Variants in ZMYM2 observed in about 807,000 individuals in gnomAD.
ZMYM2 encodes zinc finger MYM-type protein 2.
Under a neutral mutation model 162.8 loss-of-function variants are expected in ZMYM2, and 56 were observed. That is an observed-to-expected ratio of 0.34 (90% CI 0.28 to 0.43). The LOEUF (loss-of-function observed/expected upper bound fraction) is 0.43. Ranked by LOEUF, ZMYM2 falls within the 20% of genes least tolerant of loss-of-function variation. The pLI is 1.00. For missense variants in ZMYM2, 1,275 were observed against 1,621.8 expected (o/e 0.79, Z 3.67); for synonymous variants, 510 against 541.6 (o/e 0.94, Z 0.81).
At chr13:19,925,253 T>A in the ZMYM2 span, among the ~76,000 whole-genome samples, 1,993 of 152,340 alleles carry the variant, frequency 0.013, 39 homozygotes, top group South Asian at 0.041. Flanking sequence ...ACAGTGCTAT[T>A]TGCTATAGCT....
At chr13:19,931,591 G>A in the ZMYM2 span, among the ~76,000 whole-genome samples, 7 of 151,914 alleles carry the variant, frequency 4.6e-5, no homozygotes, top group African/African-American at 1.5e-4. Flanking sequence ...TTTCAGATTG[G>A]CTTCTTTCAC....
intron 2 of ZMYM2, among the ~76,000 whole-genome samples, chr13:19,979,671 A>G (rs1957135320): frequency 6.6e-6 from 1 of 152,162 alleles, no homozygotes; most frequent in Non-Finnish European, 1.5e-5. Flanking sequence ...ACAATCCCAA[A>G]TTTTGGTAAA....
At position 20,003,195 on chromosome 13, in the gene ZMYM2, A is replaced by C. The variant is rs74463120; in HGVS notation, c.1133+60A>C. The C allele has an allele frequency of 3.9e-4, 588 of 1,519,400 alleles. 11 individuals are homozygous for C. In the East Asian group the frequency reaches 0.014, roughly 36 times the overall value. The allele number at this position is 1,519,400 out of a possible 1,614,324, so 94.1% of individuals were successfully genotyped here. A position where few individuals can be genotyped will look rare whatever the true frequency, so the allele number is the denominator to read the frequency against. On this transcript the variant is annotated intron_variant, in intron 4 of 24. Transcript: ENST00000610343. ...TGAATTTTGGAGTTGTAAAATTTTA[A>C]GAAAAGTGAAACAGATTTGTAATAC...
chr13:19,934,009 TCAC>T, the ZMYM2 span, among the ~76,000 whole-genome samples: 11 of 152,322 alleles, frequency 7.2e-5, no homozygotes, highest in African/African-American at 2.6e-4. Context: ...TTTTTCTCTA[TCAC>T]CACATTTTAT....
chr13:20,013,046 A>G (rs1185668465), intron 6 of ZMYM2, among the ~76,000 whole-genome samples: 1 of 152,242 alleles, frequency 6.6e-6, no homozygotes, highest in Non-Finnish European at 1.5e-5. Flanking sequence ...TGCTTTGGGT[A>G]GTATTGACAT....
chr13:20,063,088 G>A (rs953324800), intron 18 of ZMYM2, 117 bp downstream of exon 18: 2 of 1,246,580 alleles, frequency 1.6e-6, no homozygotes, highest in African/African-American at 1.6e-5. Context: ...TTTTATTCTT[G>A]TTATTTTTTA....
In ZMYM2 at chr13:20,006,108, C is replaced by CTA. The variant is rs376008315; in HGVS notation, c.1300-263_1300-262dup. On this transcript the variant is annotated intron_variant, in intron 5 of 24. Transcript: ENST00000610343. The stretch of plus-strand genomic sequence containing the variant: ...ATTAGTTAGGCGTGGTTGTGTGTGT[C>CTA]TATAGTCTCAGCTACTCGGGAGGCT... 1.1e-3 allele frequency among the ~76,000 whole-genome samples: 168 copies of CTA among 151,966 alleles called. 1 individual carries two copies. The Middle Eastern group carries it at 0.017, about 15-fold the overall frequency.
rs1404230474 is a variant in ZMYM2, at chr13:20,088,720, G to A, written c.*2706G>A. 1 of 195,918 alleles carries A rather than the reference G, an allele frequency of 5.1e-6. No homozygotes were observed. Among genetic ancestry groups the A allele is most frequent in the African/African-American group, 2.3e-5 (1 of 43,200 alleles). 12.1% of individuals were successfully genotyped at this position (195,918 alleles called of 1,614,324 possible). ...GTCAGTATGTTAAACATTGAAGTAG[G>A]AGGAGGATGCATATTGTACTATGCA... On this transcript the variant is annotated 3_prime_UTR_variant, in exon 25 of 25. Transcript: ENST00000610343.
chr13:20,031,535 A>C, intron 10 of ZMYM2, 100 bp downstream of exon 10: 1 of 775,046 alleles, frequency 1.3e-6, no homozygotes, highest in Non-Finnish European at 1.9e-6. Context: ...TTGGTAGATA[A>C]AAATATGCTT....
the ZMYM2 span, among the ~76,000 whole-genome samples, chr13:19,900,909 GTAGTCCCAGCT>G: frequency 6.6e-6 from 1 of 152,100 alleles, no homozygotes; most frequent in African/African-American, 2.4e-5. Context: ...GCGGGCGCCT[GTAGTCCCAGCT>G]ACTCGTGAGG....
At chr13:19,917,046 T>G in the ZMYM2 span, among the ~76,000 whole-genome samples, 3 of 152,132 alleles carry the variant, frequency 2.0e-5, no homozygotes, top group South Asian at 6.2e-4. Context: ...CGCTGCAAAC[T>G]CTGCCTCCCG....
At chr13:19,965,281 T>C (rs1489351776) in intron 2 of ZMYM2, 3 of 1,294,896 alleles carry the variant, frequency 2.3e-6, no homozygotes, top group Admixed American at 4.7e-5. Context: ...GACTTACTAG[T>C]GTAAGAATTG....
intron 12 of ZMYM2, among the ~76,000 whole-genome samples, chr13:20,045,826 A>G (rs1215942234): frequency 6.6e-6 from 1 of 152,162 alleles, no homozygotes; most frequent in Non-Finnish European, 1.5e-5. Flanking sequence ...TTATGAATAT[A>G]AAATTTTAAT....
At chr13:19,914,419 A>G in the ZMYM2 span, among the ~76,000 whole-genome samples, 329 of 152,280 alleles carry the variant, frequency 2.2e-3, 3 homozygotes, top group African/African-American at 7.6e-3. Flanking sequence ...CAGCAACATG[A>G]ACTTCCACTC....
intron 3 of ZMYM2, among the ~76,000 whole-genome samples, chr13:19,998,049 C>G (rs1950146866): frequency 6.6e-6 from 1 of 152,110 alleles, no homozygotes; most frequent in Non-Finnish European, 1.5e-5. Flanking sequence ...ACTCTGTAAA[C>G]TCGTCATCAG....
chr13:19,970,163 T>G, intron 2 of ZMYM2: 11 of 600,080 alleles, frequency 1.8e-5, no homozygotes, highest in Non-Finnish European at 2.3e-5. Flanking sequence ...ATCATAGATT[T>G]GGAACACCAA....
At chr13:20,023,415 C>T (rs1386856432) in intron 7 of ZMYM2, among the ~76,000 whole-genome samples, 1 of 152,020 alleles carries the variant, frequency 6.6e-6, no homozygotes, top group East Asian at 1.9e-4. Flanking sequence ...AAATATACTT[C>T]CTATATGTAG....
chr13:19,867,671 G>C, the ZMYM2 span, among the ~76,000 whole-genome samples: 1 of 151,996 alleles, frequency 6.6e-6, no homozygotes, highest in Non-Finnish European at 1.5e-5. Context: ...TGTTGCCCAG[G>C]CTGGAGTGCA....
intron 2 of ZMYM2, among the ~76,000 whole-genome samples, chr13:19,962,022 A>T (rs1205614423): frequency 1.3e-5 from 2 of 152,120 alleles, no homozygotes; most frequent in Non-Finnish European, 2.9e-5. Context: ...ATCCTTTTAA[A>T]TTGTTGGGAG....
Sources: gnomAD v4.1 joint callset for allele counts (sites outside exome capture counted in the v4.1 genomes callset) on GRCh38, gnomAD v4.1.1 for gene constraint, MANE v1.5 for transcripts, NCBI Gene and HGNC (gene_info 2026-07-23, HGNC 2026-07-21) for gene names.